Variants in SLC26A5 observed in about 807,000 individuals in gnomAD.
The protein encoded by SLC26A5 is solute carrier family 26 member 5.
Under a neutral mutation model 81.0 loss-of-function variants are expected in SLC26A5, and 51 were observed. The ratio of observed to expected loss-of-function variants is 0.63; its 90% confidence interval spans 0.50 to 0.80. SLC26A5 has a LOEUF of 0.80. SLC26A5 is among the 30% of genes least tolerant of loss of function. The pLI is 0.00. For missense variants in SLC26A5, 771 were observed against 905.8 expected, an observed-to-expected ratio of 0.85 and a Z score of 1.91; for synonymous variants, 325 against 332.8, an observed-to-expected ratio of 0.98 and a Z score of 0.25.
chr7:103,410,451 G>C lies in SLC26A5; in HGVS notation c.669C>G (p.Thr223=), dbSNP rs1172438248. 1 of 1,614,014 alleles carries C rather than the reference G, an allele frequency of 6.2e-7. No individual in the cohort carries two copies. The highest frequency in any genetic ancestry group is 1.1e-5 in the South Asian group (1 of 91,082). Reference sequence around the variant, plus strand: ...CTCCAAACAGATATTTTAACATGGAGGTGAAGACATGCACAGCTGCTGCGG... The same window carrying C: ...CTCCAAACAGATATTTTAACATGGACGTGAAGACATGCACAGCTGCTGCGG... ...FTTAAAVHVF[T]SMLKYLFGVK... The change falls in exon 7 of 20, where the codon ACC becomes ACG. Residue 223 remains threonine (T), a synonymous_variant. Coordinates refer to ENST00000306312, the MANE Select transcript of SLC26A5 (RefSeq NM_198999.3).
intron 19 of SLC26A5, among the ~76,000 whole-genome samples, chr7:103,359,312 T>G (rs965781340): frequency 2.6e-5 from 4 of 151,966 alleles, no homozygotes; most frequent in Non-Finnish European, 5.9e-5. Flanking sequence ...TATGAATTTT[T>G]TTAATAACAA....
At chr7:103,369,937 T>C (rs1820936070), downstream of SLC26A5, among the ~76,000 whole-genome samples, 1 of 152,202 alleles carries the variant, frequency 6.6e-6, no homozygotes, top group Non-Finnish European at 1.5e-5. Context: ...AAAAGCCTGG[T>C]ACAGCTTTCT....
At chr7:103,392,862 C>A in intron 10 of SLC26A5, 57 bp downstream of exon 10, 2 of 1,606,518 alleles carry the variant, frequency 1.2e-6, no homozygotes, top group Non-Finnish European at 1.7e-6. Flanking sequence ...CAGGCGTGAG[C>A]CAGACATTGG....
At chr7:103,422,170 GT>G (rs1256957535) in intron 2 of SLC26A5, among the ~76,000 whole-genome samples, 6 of 152,112 alleles carry the variant, frequency 3.9e-5, no homozygotes, top group African/African-American at 4.8e-5. Flanking sequence ...ATGACTGATA[GT>G]TTTTTTCATT....
At chr7:103,437,169 G>A (rs897113100) in intron 2 of SLC26A5, among the ~76,000 whole-genome samples, 1 of 152,092 alleles carries the variant, frequency 6.6e-6, no homozygotes, top group Non-Finnish European at 1.5e-5. Flanking sequence ...GTGGCCAAGA[G>A]GTACATGAAA....
At chr7:103,428,155 G>A (rs1000877059) in intron 2 of SLC26A5, among the ~76,000 whole-genome samples, 1 of 151,988 alleles carries the variant, frequency 6.6e-6, no homozygotes, top group Non-Finnish European at 1.5e-5. Flanking sequence ...GCCTGGCCCC[G>A]TCTAGAGATT....
chr7:103,413,375 G>T (rs1333364590), intron 4 of SLC26A5, among the ~76,000 whole-genome samples: 1 of 152,000 alleles, frequency 6.6e-6, no homozygotes, highest in African/African-American at 2.4e-5. Context: ...GATAAAAGCA[G>T]AAAAAAGTCT....
Position 103,367,914 on chromosome 7 carries a change from G to A in SLC26A5, c.2041+8894C>T, listed in dbSNP as rs1337766156. 2 of 1,613,766 alleles carry A rather than the reference G, an allele frequency of 1.2e-6. No homozygotes were observed. The highest frequency in any genetic ancestry group is 1.7e-6 in the Non-Finnish European group (2 of 1,179,972). ...TTTGAAAGGTGCTGAGATTAGAAGC[G>A]TCTGCACAGAGGCTGGTATGTTTGC... is the stretch of plus-strand genomic sequence containing the variant. On this transcript the variant is annotated intron_variant, in intron 19 of 19. Coordinates refer to the SLC26A5 transcript ENST00000339444. The surrounding 1 kb of genome is among the most constrained non-coding windows in gnomAD (Gnocchi z 6.1).
At chr7:103,391,764 G>A (rs776802742) in intron 10 of SLC26A5, 29 bp from the exon 11 acceptor site, 2 of 1,569,200 alleles carry the variant, frequency 1.3e-6, no homozygotes, top group East Asian at 4.5e-5. Flanking sequence ...AAACACAAAA[G>A]AGATAGGTCA....
intron 8 of SLC26A5, among the ~76,000 whole-genome samples, chr7:103,402,633 T>C (rs577594976): frequency 6.6e-6 from 1 of 152,216 alleles, no homozygotes; most frequent in South Asian, 2.1e-4. Context: ...TCTCTTGACT[T>C]TCTGATTTGC....
At chr7:103,410,352 A>G in intron 7 of SLC26A5, 33 bp downstream of exon 7, 2 of 1,586,434 alleles carry the variant, frequency 1.3e-6, no homozygotes, top group Non-Finnish European at 1.7e-6. Flanking sequence ...ATAAAGAGAA[A>G]AGTACCAGAA....
At chr7:103,420,009 A>G (rs1052162331) in intron 4 of SLC26A5, among the ~76,000 whole-genome samples, 1 of 152,172 alleles carries the variant, frequency 6.6e-6, no homozygotes, top group Non-Finnish European at 1.5e-5. Flanking sequence ...ATAGACATGT[A>G]CTGTTTAGAA....
intron 9 of SLC26A5, among the ~76,000 whole-genome samples, chr7:103,396,018 C>T (rs1014707526): frequency 4.6e-5 from 7 of 152,084 alleles, no homozygotes; most frequent in Non-Finnish European, 1.0e-4. Flanking sequence ...CTCACAACTG[C>T]CCTTGAGATA....
At chr7:103,359,172 A>ATTTTTTTTTTTTTTTTTTTTTTTTT (rs1586155184) in intron 19 of SLC26A5, among the ~76,000 whole-genome samples, 3 of 58,386 alleles carry the variant, frequency 5.1e-5, no homozygotes, top group African/African-American at 6.7e-5. Context: ...TTTTTTTTTA[A>ATTTTTTTTTTTTTTTTTTTTTTTTT]TTTTTAGTAG....
chr7:103,391,642 C>G lies in SLC26A5; in HGVS notation c.1213G>C (p.Gly405Arg). Residue 405 changes from glycine to arginine, a missense_variant, in exon 11 of 20, where the codon GGA becomes CGA. By Grantham distance (125) the Gly-to-Arg change is moderately radical. Coordinates refer to ENST00000306312, the MANE Select transcript of SLC26A5 (RefSeq NM_198999.3). ...CSLSRSLVQE[G>R]TGGKTQLAGC... is the part of the protein sequence containing the mutation. ...CATACCTGTGTCTTCCCACCGGTTC[C>G]CTCCTGAACAAGGCTTCGAGACAAG... 6.2e-7 allele frequency: 1 copy of G among 1,614,088 alleles called. No individual in the cohort carries two copies. The highest frequency in any genetic ancestry group is 8.5e-7 in the Non-Finnish European group (1 of 1,179,986).
intron 14 of SLC26A5, among the ~76,000 whole-genome samples, chr7:103,385,749 G>A (rs1419795158): frequency 6.9e-6 from 1 of 144,478 alleles, no homozygotes; most frequent in Non-Finnish European, 1.5e-5. Flanking sequence ...CACCCAGGCT[G>A]GAGCGCAGGA....
intron 19 of SLC26A5, among the ~76,000 whole-genome samples, chr7:103,359,554 T>C (rs1262665010): frequency 1.3e-5 from 2 of 152,186 alleles, no homozygotes; most frequent in African/African-American, 4.8e-5. Context: ...AATTTGTCTA[T>C]CCTGGACATA....
At chr7:103,411,887 T>G (rs541390294) in intron 5 of SLC26A5, among the ~76,000 whole-genome samples, 1 of 152,352 alleles carries the variant, frequency 6.6e-6, no homozygotes, top group East Asian at 1.9e-4. Flanking sequence ...TGGCTTTGAC[T>G]TGTTAGTAAT....
At chr7:103,357,328 A>G (rs528433119) in intron 19 of SLC26A5, among the ~76,000 whole-genome samples, 1 of 127,244 alleles carries the variant, frequency 7.9e-6, no homozygotes, top group East Asian at 2.4e-4. Context: ...CTCTGTCTCA[A>G]AAAAAAAAAA....
Sources: allele counts gnomAD v4.1 joint callset (sites outside exome capture counted in the v4.1 genomes callset), GRCh38; gene constraint gnomAD v4.1.1; non-coding constraint Gnocchi (gnomAD v3.1); transcripts MANE v1.5; gene names NCBI Gene and HGNC (gene_info 2026-07-23, HGNC 2026-07-21).